MXD1: variants seen among roughly 807,000 people sequenced by gnomAD.
MXD1 encodes the protein MAX dimerization protein 1.
In MXD1, 9 loss-of-function variants were observed where a neutral mutation model predicts 25.7. The ratio of observed to expected loss-of-function variants is 0.35; its 90% CI spans 0.21 to 0.61. The LOEUF (loss-of-function observed/expected upper bound fraction) is 0.61. Among genes scored for constraint, MXD1 ranks in the 20% least tolerant of loss-of-function variants. The pLI is 0.75. For synonymous variants in MXD1, 99 were observed against 113.9 expected (o/e 0.87, Z 0.83); for missense variants, 227 against 292.4 (o/e 0.78, Z 1.63).
At position 69,942,398 on chromosome 2, in the gene MXD1, TCA is replaced by T. The variant is rs1677629549; in HGVS notation, c.*4115_*4116del. 6.6e-6 allele frequency: 1 copy of T among 152,194 alleles called. No individual in the cohort carries two copies. Among genetic ancestry groups the T allele is most frequent in the African/African-American group, 2.4e-5 (1 of 41,452 alleles). 9.4% of individuals were successfully genotyped at this position (152,194 alleles called of 1,614,324 possible). Reference sequence around the variant, plus strand: ...TATCAATATTACATGGATGATTTTCTCAGATTCTTCTGAAAGAAGAAATTGAC... The same window carrying T: ...TATCAATATTACATGGATGATTTTCTGATTCTTCTGAAAGAAGAAATTGAC... On this transcript the variant is annotated 3_prime_UTR_variant, in exon 6 of 6. Coordinates refer to ENST00000264444, the MANE Select transcript of MXD1 (RefSeq NM_002357.4).
At chr2:69,917,669 G>C (rs1676985641) in intron 2 of MXD1, among the ~76,000 whole-genome samples, 1 of 152,106 alleles carries the variant, frequency 6.6e-6, no homozygotes, top group African/African-American at 2.4e-5. Context: ...TTCACAGGAA[G>C]GTTGTAGGGG....
intron 4 of MXD1, among the ~76,000 whole-genome samples, chr2:69,935,978 G>A (rs1421218872): frequency 6.6e-6 from 1 of 152,030 alleles, no homozygotes; most frequent in Non-Finnish European, 1.5e-5. Flanking sequence ...TGCCTTGCCT[G>A]GTCCTCACTT....
chr2:69,919,106 G>T (rs370699120), intron 2 of MXD1, among the ~76,000 whole-genome samples: 6 of 152,082 alleles, frequency 3.9e-5, no homozygotes, highest in Admixed American at 2.6e-4. Context: ...TATGGAGTTT[G>T]TTTAAAAGTT....
At chr2:69,936,575 CCT>C (rs1677449438) in intron 4 of MXD1, among the ~76,000 whole-genome samples, 1 of 152,220 alleles carries the variant, frequency 6.6e-6, no homozygotes, top group African/African-American at 2.4e-5. Flanking sequence ...TGGGAGAAAA[CCT>C]CTATTTAAAG....
At chr2:69,925,101 G>A (rs1453560025) in intron 3 of MXD1, among the ~76,000 whole-genome samples, 1 of 152,114 alleles carries the variant, frequency 6.6e-6, no homozygotes, top group African/African-American at 2.4e-5. Context: ...ACAGAATCCA[G>A]TAAAGACTAC....
intron 5 of MXD1, among the ~76,000 whole-genome samples, 183 bp downstream of exon 5, chr2:69,937,577 C>T (rs11685814): frequency 0.029 from 4,445 of 152,278 alleles, 104 homozygotes; most frequent in Non-Finnish European, 0.047. Context: ...TAGGTGACAA[C>T]CCCAGAAGAG....
intron 5 of MXD1, 57 bp downstream of exon 5, chr2:69,937,451 G>GGAGA (rs2104212825): frequency 6.6e-7 from 1 of 1,520,434 alleles, no homozygotes; most frequent in Non-Finnish European, 8.8e-7. Flanking sequence ...CCCAGAGCAG[G>GGAGA]GGTTCAGTAC....
chr2:69,916,648 C>G (rs1676967729), intron 2 of MXD1, among the ~76,000 whole-genome samples: 1 of 152,102 alleles, frequency 6.6e-6, no homozygotes, highest in Admixed American at 6.5e-5. Context: ...AAGTACCTGA[C>G]TTGGCATAAG....
intron 4 of MXD1, among the ~76,000 whole-genome samples, chr2:69,935,736 C>T (rs914164973): frequency 1.3e-5 from 2 of 152,190 alleles, no homozygotes; most frequent in African/African-American, 2.4e-5. Context: ...AACCATATAT[C>T]TAGGCCATCT....
intron 3 of MXD1, among the ~76,000 whole-genome samples, chr2:69,927,943 A>G (rs1159570184): frequency 6.6e-6 from 1 of 152,142 alleles, no homozygotes; most frequent in Admixed American, 6.5e-5. Flanking sequence ...AAAAAGGAGG[A>G]AAGTATTTTT....
intron 2 of MXD1, 110 bp from the exon 3 acceptor site, chr2:69,921,626 A>G: frequency 1.1e-6 from 1 of 942,756 alleles, no homozygotes. Flanking sequence ...GCCTTTCTAC[A>G]TCTCTCCTAT....
Position 69,915,816 on chromosome 2 carries a change from G to T in MXD1, c.74-305G>T, listed in dbSNP as rs1202824228. On this transcript the variant is annotated intron_variant, in intron 1 of 5. Transcript: ENST00000264444. This position sits in a 1 kb window ranked among gnomAD's most constrained non-coding sequence, Gnocchi z 5.8. ...CTTGCCCCGCACCTTCGCCTGAGCT[G>T]GTTCCACTTAACCCGCACCAACCTG... Among the ~76,000 whole-genome samples, 1 of 152,248 alleles carries T rather than the reference G, an allele frequency of 6.6e-6. No individual in the cohort carries two copies. The highest frequency in any genetic ancestry group is 2.4e-5 in the African/African-American group (1 of 41,476).
In MXD1 at chr2:69,937,371, C is replaced by T. The variant is rs746272833; in HGVS notation, c.455C>T (p.Ser152Leu). The part of the protein sequence containing the change: ...RMDSIGSTVS[S>L]ERSDSDREEI... ...GACAGCATCGGCTCCACCGTCTCCT[C>T]GGAGCGCTCCGACTCCGACAGGGGT... Residue 152 changes from serine to leucine, a missense_variant, in exon 5 of 6, where the codon TCG becomes TTG. By Grantham distance (145) the Ser-to-Leu change is moderately radical. Coordinates refer to ENST00000264444, the MANE Select transcript of MXD1 (RefSeq NM_002357.4). 13 of 1,610,860 alleles carry T rather than the reference C, an allele frequency of 8.1e-6. No individual in the cohort carries two copies. Among genetic ancestry groups the T allele is most frequent in the East Asian group, 4.5e-5 (2 of 44,852 alleles).
At chr2:69,935,549 C>T in intron 4 of MXD1, 84 bp downstream of exon 4, 1 of 865,982 alleles carries the variant, frequency 1.2e-6, no homozygotes, top group Non-Finnish European at 1.9e-6. Flanking sequence ...ACAGTCCTCT[C>T]CCCTGAACTC....
intron 3 of MXD1, among the ~76,000 whole-genome samples, chr2:69,926,266 C>G (rs1454323224): frequency 3.3e-5 from 5 of 151,836 alleles, no homozygotes; most frequent in African/African-American, 1.2e-4. Context: ...GGCTAAGTCT[C>G]TTTCTAGACT....
At chr2:69,937,200 C>G (rs766798477) in intron 4 of MXD1, 35 bp from the exon 5 acceptor site, 1 of 1,610,634 alleles carries the variant, frequency 6.2e-7, no homozygotes, top group Non-Finnish European at 8.5e-7. Flanking sequence ...AGAGATCTCC[C>G]TGTGGGGCCC....
intron 3 of MXD1, among the ~76,000 whole-genome samples, 176 bp from the exon 4 acceptor site, chr2:69,935,175 A>G (rs1441843801): frequency 6.6e-6 from 1 of 152,172 alleles, no homozygotes; most frequent in Non-Finnish European, 1.5e-5. Context: ...TTTGCTTCTC[A>G]TTGGTTTTCA....
intron 3 of MXD1, 131 bp from the exon 4 acceptor site, chr2:69,935,220 C>T (rs927200112): frequency 1.5e-6 from 1 of 660,612 alleles, no homozygotes; most frequent in Non-Finnish European, 2.7e-6. Flanking sequence ...GTTTATTCAG[C>T]AAAAGGTCAT....
intron 2 of MXD1, among the ~76,000 whole-genome samples, chr2:69,920,566 CT>C (rs80292176): frequency 0.13 from 20,088 of 152,034 alleles, 1,703 homozygotes; most frequent in Non-Finnish European, 0.19. Context: ...GTTGGTGCCC[CT>C]GATGTAAATG....
Sources: gnomAD v4.1 joint callset for allele counts (sites outside exome capture counted in the v4.1 genomes callset) on GRCh38, gnomAD v4.1.1 for gene constraint, Gnocchi (gnomAD v3.1) non-coding constraint, MANE v1.5 for transcripts, NCBI Gene and HGNC (gene_info 2026-07-23, HGNC 2026-07-21) for gene names.